ARHGAP19: variants seen among roughly 807,000 people sequenced by gnomAD.
ARHGAP19 encodes the protein Rho GTPase activating protein 19, also known as rho GTPase-activating protein 19.
In ARHGAP19, 48 loss-of-function variants were observed where a neutral mutation model predicts 60.9. The observed-to-expected ratio is 0.79, with a 90% CI of 0.62 to 1.00. The LOEUF (loss-of-function observed/expected upper bound fraction) is 1.00. Among genes scored for constraint, ARHGAP19 ranks in the 50% least tolerant of loss-of-function variants. ARHGAP19 has a pLI of 0.00. For synonymous variants in ARHGAP19, 209 were observed against 215.5 expected (o/e 0.97, Z 0.27); for missense variants, 562 against 597.2 (o/e 0.94, Z 0.61).
chr10:97,292,615 C>T lies in ARHGAP19; in HGVS notation c.13G>A (p.Ala5Thr). 5.0e-6 allele frequency: 8 copies of T among 1,614,218 alleles called. No homozygotes were observed. Among genetic ancestry groups the T allele is most frequent in the Non-Finnish European group, 6.8e-6 (8 of 1,180,042 alleles). The change falls in exon 1 of 12, where the codon GCA becomes ACA. Residue 5 changes from alanine to threonine, a missense_variant. Coordinates refer to ENST00000358531, the MANE Select transcript of ARHGAP19 (RefSeq NM_032900.6). ...GCTGGCACCTCCCCTTCACTCTGTG[C>T]CTCAGTCGCCATCTTCGTCAGCAAA... MATE[A>T]QSEGEVPARE...
At chr10:97,254,818 A>G (rs11189073) in intron 6 of ARHGAP19, among the ~76,000 whole-genome samples, 6,576 of 152,294 alleles carry the variant, frequency 0.043, 213 homozygotes, top group Non-Finnish European at 0.061. Flanking sequence ...ATAAAGGGAT[A>G]TCCATCAACT....
chr10:97,289,465 G>A (rs1378837335), intron 1 of ARHGAP19, among the ~76,000 whole-genome samples: 1 of 151,998 alleles, frequency 6.6e-6, no homozygotes, highest in Non-Finnish European at 1.5e-5. Context: ...GTTCAGGTAC[G>A]ATTATGTGAA....
At position 97,256,888 on chromosome 10, in the gene ARHGAP19, A is replaced by G. The variant is rs550428537; in HGVS notation, c.841-484T>C. Among the ~76,000 whole-genome samples the G allele has an allele frequency of 1.0e-3, 158 of 152,034 alleles. 1 individual carries two copies. Among genetic ancestry groups the G allele is most frequent in the Middle Eastern group, 3.4e-3 (1 of 292 alleles). On this transcript the variant is annotated intron_variant, in intron 5 of 11. Transcript: ENST00000358531. ...TGTAATCCCAGCACTTTGGGAGGCC[A>G]AGGCGGGCAGATCACGAGGTCAGGA...
intron 8 of ARHGAP19, among the ~76,000 whole-genome samples, chr10:97,242,324 C>CCTTTTTTTTTTTTTTTTTTTTT (rs1842498449): frequency 3.6e-5 from 2 of 55,796 alleles, no homozygotes; most frequent in Admixed American, 1.9e-4. Flanking sequence ...TATCAGTGTT[C>CCTTTTTTTTTTTTTTTTTTTTT]TTTTTTTTTT....
intron 4 of ARHGAP19, among the ~76,000 whole-genome samples, chr10:97,263,178 C>T (rs558821131): frequency 7.9e-5 from 12 of 152,212 alleles, no homozygotes; most frequent in South Asian, 6.2e-4. Flanking sequence ...AAAACTCAGA[C>T]GACATCTTAC....
At chr10:97,290,330 T>A (rs1843215019) in intron 1 of ARHGAP19, among the ~76,000 whole-genome samples, 1 of 152,178 alleles carries the variant, frequency 6.6e-6, no homozygotes, top group Admixed American at 6.6e-5. Context: ...CCTGATCCAG[T>A]GAGACTCCCA....
Position 97,259,537 on chromosome 10 carries a change from G to A in ARHGAP19, c.705C>T (p.Leu235=). ...IEALQLLFLI[L]PPPNRNLLKL... Reference sequence around the variant, plus strand: ...TCAGCAAATTACGATTAGGAGGAGGGAGAATGAGGAAGAGCAACTGGAGAG... The same window carrying A: ...TCAGCAAATTACGATTAGGAGGAGGAAGAATGAGGAAGAGCAACTGGAGAG... The change falls in exon 5 of 12, where the codon CTC becomes CTT. Residue 235 remains leucine (L), a synonymous_variant. Transcript: ENST00000358531. 1 of 1,614,186 alleles carries A rather than the reference G, an allele frequency of 6.2e-7. No individual in the cohort carries two copies. Among genetic ancestry groups the A allele is most frequent in the Non-Finnish European group, 8.5e-7 (1 of 1,180,026 alleles).
Position 97,263,424 on chromosome 10 carries a change from G to C in ARHGAP19, c.609C>G (p.Ile203Met). The C allele has an allele frequency of 1.2e-6, 2 of 1,613,898 alleles. No individual in the cohort carries two copies. Among genetic ancestry groups the C allele is most frequent in the Non-Finnish European group, 1.7e-6 (2 of 1,179,882 alleles). The stretch of plus-strand genomic sequence containing the variant: ...CTTCTTACTTCCTATACTCACCAGC[G>C]ATTTTGAGGTGTGCATTGAAGTGTT... Reference protein sequence around the residue: ...THKHFNAHLKIADLMQFDDKG... With the variant: ...THKHFNAHLKMADLMQFDDKG... Residue 203 changes from isoleucine to methionine, a missense_variant, in exon 4 of 12, where the codon ATC becomes ATG. Transcript: ENST00000358531.
chr10:97,268,135 C>G (rs1028898279), intron 1 of ARHGAP19, among the ~76,000 whole-genome samples: 2 of 152,204 alleles, frequency 1.3e-5, no homozygotes, highest in Non-Finnish European at 2.9e-5. Context: ...TCATCTCTCT[C>G]AAGTTCAAAG....
intron 1 of ARHGAP19, among the ~76,000 whole-genome samples, chr10:97,289,325 A>G (rs1843199313): frequency 6.6e-6 from 1 of 151,938 alleles, no homozygotes; most frequent in Non-Finnish European, 1.5e-5. Flanking sequence ...TGTGTTCCCC[A>G]GGCTGATCTG....
chr10:97,264,420 C>T (rs762493179), intron 3 of ARHGAP19, among the ~76,000 whole-genome samples: 9 of 150,676 alleles, frequency 6.0e-5, no homozygotes, highest in Non-Finnish European at 1.3e-4. Flanking sequence ...ACCACTGCAC[C>T]CCAGCCTGGG....
At chr10:97,242,507 T>G (rs1311786401) in intron 8 of ARHGAP19, among the ~76,000 whole-genome samples, 1 of 149,092 alleles carries the variant, frequency 6.7e-6, no homozygotes, top group Non-Finnish European at 1.5e-5. Flanking sequence ...CTAATTTTTT[T>G]GTTTTGTTTT....
At chr10:97,228,770 A>C (rs1164580445) in intron 11 of ARHGAP19, among the ~76,000 whole-genome samples, 1 of 152,200 alleles carries the variant, frequency 6.6e-6, no homozygotes, top group African/African-American at 2.4e-5. Flanking sequence ...GCTGGCCTAC[A>C]CAGAAAAGGA....
intron 1 of ARHGAP19, among the ~76,000 whole-genome samples, chr10:97,272,967 A>T (rs1324931983): frequency 1.3e-5 from 2 of 151,048 alleles, no homozygotes; most frequent in Non-Finnish European, 2.9e-5. Flanking sequence ...CAGCCTCCCG[A>T]GTAGCTGGGA....
chr10:97,259,352 G>T, intron 5 of ARHGAP19, 50 bp downstream of exon 5: 1 of 1,422,292 alleles, frequency 7.0e-7, no homozygotes, highest in Non-Finnish European at 9.9e-7. Context: ...ATAGAATGAG[G>T]CCCAGCCCAA....
chr10:97,226,561 G>A (rs1032529585), intron 11 of ARHGAP19, among the ~76,000 whole-genome samples: 1 of 152,020 alleles, frequency 6.6e-6, no homozygotes, highest in Non-Finnish European at 1.5e-5. Context: ...TACCACCACC[G>A]CCCCTCTCAA....
chr10:97,281,711 C>T (rs181233023), intron 1 of ARHGAP19, among the ~76,000 whole-genome samples: 41 of 152,184 alleles, frequency 2.7e-4, no homozygotes, highest in Admixed American at 6.6e-5. Context: ...AAGACCACAA[C>T]GCAAAAGATG....
At chr10:97,289,198 T>C (rs948859995) in intron 1 of ARHGAP19, among the ~76,000 whole-genome samples, 46 of 146,590 alleles carry the variant, frequency 3.1e-4, no homozygotes, top group Non-Finnish European at 3.6e-4. Context: ...CACTGCAACC[T>C]CCACCTCCTA....
intron 4 of ARHGAP19, among the ~76,000 whole-genome samples, chr10:97,262,902 G>A (rs190924960): frequency 1.7e-4 from 26 of 152,226 alleles, no homozygotes; most frequent in Non-Finnish European, 3.1e-4. Flanking sequence ...GATGGCTTTG[G>A]CCCAGGAGTT....
Sources: allele counts gnomAD v4.1 joint callset (sites outside exome capture counted in the v4.1 genomes callset), GRCh38; gene constraint gnomAD v4.1.1; transcripts MANE v1.5; gene names NCBI Gene and HGNC (gene_info 2026-07-23, HGNC 2026-07-21).